VMP1: variants seen among roughly 807,000 people sequenced by gnomAD.
VMP1 encodes vacuole membrane protein 1.
VMP1 carries 11 observed loss-of-function variants against 56.0 expected under a neutral mutation model. The ratio of observed to expected loss-of-function variants is 0.20; its 90% CI spans 0.12 to 0.32. VMP1 has a LOEUF of 0.32. VMP1 is among the 10% of genes least tolerant of loss of function. VMP1 has a pLI of 1.00. For synonymous variants in VMP1, 149 were observed against 165.0 expected (o/e 0.90, Z 0.74); for missense variants, 296 against 490.3 (o/e 0.60, Z 3.74).
chr17:59,740,393 C>G (rs1468614280), intron 5 of VMP1, among the ~76,000 whole-genome samples: 1 of 152,170 alleles, frequency 6.6e-6, no homozygotes, highest in Non-Finnish European at 1.5e-5. Flanking sequence ...GAAAGATTGT[C>G]AAGCAGTACC....
At chr17:59,784,424 AC>A (rs1165857875) in intron 7 of VMP1, among the ~76,000 whole-genome samples, 1 of 150,520 alleles carries the variant, frequency 6.6e-6, no homozygotes, top group Non-Finnish European at 1.5e-5. Context: ...CCCCTACCTC[AC>A]CCCCTTCACT....
intron 1 of VMP1, among the ~76,000 whole-genome samples, chr17:59,719,651 A>G (rs1040370802): frequency 6.6e-6 from 1 of 152,152 alleles, no homozygotes; most frequent in Non-Finnish European, 1.5e-5. Context: ...CATGTTATCC[A>G]TAAATGTTTT....
chr17:59,749,599 C>T (rs2035564298), intron 5 of VMP1, among the ~76,000 whole-genome samples: 2 of 151,906 alleles, frequency 1.3e-5, no homozygotes, highest in Admixed American at 1.3e-4. Context: ...CAATCTCCAC[C>T]TCGTGGGTTC....
intron 10 of VMP1, among the ~76,000 whole-genome samples, chr17:59,824,130 C>T (rs928821082): frequency 2.6e-5 from 4 of 151,230 alleles, no homozygotes; most frequent in African/African-American, 7.3e-5. Flanking sequence ...AGGCACCTGT[C>T]GTCCCAGCTA....
At chr17:59,836,322 T>C (rs968743080) in intron 10 of VMP1, among the ~76,000 whole-genome samples, 8 of 152,042 alleles carry the variant, frequency 5.3e-5, no homozygotes, top group Non-Finnish European at 1.2e-4. Context: ...TGTAGCCTCC[T>C]GAGTAGCAGG....
chr17:59,816,562 T>G (rs1351694040), intron 9 of VMP1, among the ~76,000 whole-genome samples: 3 of 152,060 alleles, frequency 2.0e-5, no homozygotes, highest in African/African-American at 7.2e-5. Flanking sequence ...ATCCCGCACT[T>G]TGGGAGGCTG....
intron 7 of VMP1, among the ~76,000 whole-genome samples, chr17:59,783,174 C>T (rs1232559468): frequency 2.6e-5 from 4 of 151,906 alleles, no homozygotes; most frequent in Admixed American, 2.0e-4. Context: ...CCAGCCTGGG[C>T]GACAGAGCGA....
chr17:59,826,076 G>A (rs2038637010), intron 10 of VMP1, among the ~76,000 whole-genome samples: 2 of 152,226 alleles, frequency 1.3e-5, no homozygotes, highest in African/African-American at 4.8e-5. Flanking sequence ...TGAAAGGATA[G>A]AATTTAAGGC....
chr17:59,787,149 T>G (rs773660756), intron 7 of VMP1, among the ~76,000 whole-genome samples: 1 of 152,180 alleles, frequency 6.6e-6, no homozygotes, highest in Non-Finnish European at 1.5e-5. Context: ...AAAGGTCACT[T>G]ACTTGCACTT....
chr17:59,804,561 G>A lies in VMP1; in HGVS notation c.715-4235G>A, dbSNP rs187149992. ...ACCCGGGAGGCAGATGTTGCAGTGA[G>A]CCAAGATCGCACCACTTCACTCACT... is the stretch of plus-strand genomic sequence containing the variant. On this transcript the variant is annotated intron_variant, in intron 7 of 11. Transcript: ENST00000262291. Among the ~76,000 whole-genome samples the A allele has an allele frequency of 2.2e-3, 312 of 139,590 alleles. 1 individual carries two copies. The highest frequency in any genetic ancestry group is 8.9e-3 in the Admixed American group (114 of 12,750). The allele number at this position is 139,590 out of a possible 152,430, so 91.6% of individuals were successfully genotyped here.
chr17:59,765,445 C>T (rs990826642), intron 6 of VMP1, among the ~76,000 whole-genome samples: 1 of 152,176 alleles, frequency 6.6e-6, no homozygotes, highest in Non-Finnish European at 1.5e-5. Flanking sequence ...GGGGTGCCAA[C>T]CCCCTGTGCA....
intron 10 of VMP1, among the ~76,000 whole-genome samples, chr17:59,820,475 A>G (rs2038401695): frequency 6.6e-6 from 1 of 152,212 alleles, no homozygotes; most frequent in African/African-American, 2.4e-5. Context: ...CACATGGGGA[A>G]CAGACCACCA....
chr17:59,763,772 T>C (rs934068531), intron 5 of VMP1, among the ~76,000 whole-genome samples: 4 of 152,228 alleles, frequency 2.6e-5, no homozygotes, highest in Admixed American at 1.3e-4. Context: ...TGGGACTGTC[T>C]CATTTATGAA....
chr17:59,718,018 A>G (rs1048153788), intron 1 of VMP1, among the ~76,000 whole-genome samples: 1 of 152,016 alleles, frequency 6.6e-6, no homozygotes, highest in African/African-American at 2.4e-5. Context: ...ACATCACTAG[A>G]TTTAAGTTGA....
chr17:59,774,002 AGAAAG>A, intron 7 of VMP1, 117 bp downstream of exon 7: 10 of 994,550 alleles, frequency 1.0e-5, no homozygotes, highest in Non-Finnish European at 1.2e-5. Context: ...AAAAAAAAAA[AGAAAG>A]AAAAATATTG....
intron 7 of VMP1, among the ~76,000 whole-genome samples, chr17:59,793,106 G>A (rs1441683085): frequency 9.0e-6 from 1 of 111,108 alleles, no homozygotes; most frequent in Non-Finnish European, 2.2e-5. Context: ...TCTGCCTCCC[G>A]AGTTCAAGCA....
intron 10 of VMP1, among the ~76,000 whole-genome samples, chr17:59,837,284 C>T (rs2039013507): frequency 6.6e-6 from 1 of 152,014 alleles, no homozygotes; most frequent in African/African-American, 2.4e-5. Flanking sequence ...AAGTACATAT[C>T]GGAATCTCTT....
chr17:59,737,800 C>T (rs1232864249), intron 4 of VMP1, among the ~76,000 whole-genome samples: 1 of 151,686 alleles, frequency 6.6e-6, no homozygotes, highest in Non-Finnish European at 1.5e-5. Context: ...GACAGAGTCT[C>T]GCTCTGTCAC....
intron 1 of VMP1, among the ~76,000 whole-genome samples, chr17:59,717,701 C>T (rs900258932): frequency 1.3e-5 from 2 of 152,176 alleles, no homozygotes; most frequent in African/African-American, 4.8e-5. Context: ...AGGAGGATCA[C>T]CTGAGGTAAG....
Sources: gnomAD v4.1 joint callset for allele counts (sites outside exome capture counted in the v4.1 genomes callset) on GRCh38, gnomAD v4.1.1 for gene constraint, MANE v1.5 for transcripts, NCBI Gene and HGNC (gene_info 2026-07-23, HGNC 2026-07-21) for gene names.